The following C12orf42 variants were observed in gnomAD, a reference collection of about 807,000 sequenced individuals.
The protein encoded by C12orf42 is uncharacterized protein C12orf42.
Under a neutral mutation model 21.6 loss-of-function variants are expected in C12orf42, and 25 were observed. The ratio of observed to expected loss-of-function variants is 1.16; its 90% confidence interval spans 0.84 to 1.62. The LOEUF is 1.62. C12orf42 is among the 40% of genes most tolerant of loss of function. The probability of loss-of-function intolerance (pLI) is 0.00; values close to 1 mark genes in which losing one functional copy is unlikely to be tolerated. For missense variants in C12orf42, 483 were observed against 459.3 expected (o/e 1.05, Z -0.47); for synonymous variants, 174 against 175.0 (o/e 0.99, Z 0.05).
intron 2 of C12orf42, among the ~76,000 whole-genome samples, chr12:103,415,004 T>C (rs1228826110): frequency 1.3e-5 from 2 of 152,118 alleles, no homozygotes; most frequent in East Asian, 3.9e-4. Context: ...CTCAACCATC[T>C]GTTGTCTTCA....
the C12orf42 span, among the ~76,000 whole-genome samples, chr12:103,533,860 G>A: frequency 6.6e-6 from 1 of 152,164 alleles, no homozygotes; most frequent in Admixed American, 6.5e-5. Flanking sequence ...TGCTTTGTGT[G>A]GAGTCACTGC....
the C12orf42 span, among the ~76,000 whole-genome samples, chr12:103,537,003 AT>A: frequency 3.3e-5 from 5 of 151,268 alleles, no homozygotes; most frequent in African/African-American, 9.7e-5. Flanking sequence ...GAGCAGAGGG[AT>A]TTTTTTTTAA....
At chr12:103,412,625 T>C (rs920998313) in intron 2 of C12orf42, among the ~76,000 whole-genome samples, 1 of 152,236 alleles carries the variant, frequency 6.6e-6, no homozygotes, top group African/African-American at 2.4e-5. Flanking sequence ...TACAACTTAC[T>C]GCAAACCTAA....
At chr12:103,415,451 C>T (rs955575937) in intron 2 of C12orf42, among the ~76,000 whole-genome samples, 8 of 152,138 alleles carry the variant, frequency 5.3e-5, no homozygotes, top group Admixed American at 5.2e-4. Context: ...TTAGAGAACA[C>T]TCCACTCAAC....
the C12orf42 span, among the ~76,000 whole-genome samples, chr12:103,157,652 G>T: frequency 2.6e-4 from 39 of 152,134 alleles, no homozygotes; most frequent in African/African-American, 9.2e-4. Context: ...TGTATAACGT[G>T]TAAGGAACAG....
chr12:103,502,381 A>G, the C12orf42 span, among the ~76,000 whole-genome samples: 1 of 152,314 alleles, frequency 6.6e-6, no homozygotes, highest in East Asian at 1.9e-4. Context: ...GGCACAGCAT[A>G]ATTGTAATGA....
At chr12:103,050,959 C>T in the C12orf42 span, among the ~76,000 whole-genome samples, 1 of 152,112 alleles carries the variant, frequency 6.6e-6, no homozygotes, top group Non-Finnish European at 1.5e-5. Context: ...TCCTATACGA[C>T]AATCAACAAT....
upstream of C12orf42, among the ~76,000 whole-genome samples, chr12:103,498,184 A>T (rs1340166725): frequency 3.3e-5 from 5 of 152,282 alleles, no homozygotes; most frequent in Admixed American, 2.6e-4. Context: ...AATGCAATCA[A>T]CTAGAAAATA....
At chr12:103,258,174 T>C (rs565180800) in intron 10 of C12orf42, among the ~76,000 whole-genome samples, 2 of 152,070 alleles carry the variant, frequency 1.3e-5, no homozygotes, top group East Asian at 3.9e-4. Context: ...TGGAATATTA[T>C]CCCAGTGAGC....
intron 2 of C12orf42, among the ~76,000 whole-genome samples, chr12:103,459,289 G>C (rs1952527487): frequency 6.6e-6 from 1 of 152,156 alleles, no homozygotes; most frequent in African/African-American, 2.4e-5. Context: ...GATAGGGTTT[G>C]GATATTTGTC....
intron 4 of C12orf42, among the ~76,000 whole-genome samples, chr12:103,288,947 C>G (rs2036633203): frequency 6.6e-6 from 1 of 152,066 alleles, no homozygotes; most frequent in African/African-American, 2.4e-5. Context: ...TTTTTAATTT[C>G]TCTTATAAAC....
At chr12:103,349,343 G>A (rs1384186643) in intron 4 of C12orf42, 1 of 151,572 alleles carries the variant, frequency 6.6e-6, no homozygotes, top group African/African-American at 2.4e-5. Flanking sequence ...ACAAAGAAAT[G>A]AAAGTTGTGA....
At chr12:103,551,051 A>C in the C12orf42 span, among the ~76,000 whole-genome samples, 1 of 152,100 alleles carries the variant, frequency 6.6e-6, no homozygotes, top group Admixed American at 6.5e-5. Context: ...TTTAAAATAG[A>C]ATACCTAAGA....
the C12orf42 span, among the ~76,000 whole-genome samples, chr12:103,562,336 G>A: frequency 9.5e-4 from 145 of 152,260 alleles, no homozygotes; most frequent in Non-Finnish European, 8.5e-4. Context: ...TGGAATCTGG[G>A]AATAACTCTG....
intron 3 of C12orf42, among the ~76,000 whole-genome samples, chr12:103,370,695 T>C (rs2045128830): frequency 6.6e-6 from 1 of 151,742 alleles, no homozygotes; most frequent in African/African-American, 2.4e-5. Context: ...ACATGGATAC[T>C]AGAAGGGAAA....
intron 4 of C12orf42, among the ~76,000 whole-genome samples, chr12:103,294,389 A>AAGAAGAAAAAGAAAG (rs369596997): frequency 1.7e-5 from 2 of 118,776 alleles, no homozygotes; most frequent in Non-Finnish European, 3.3e-5. Context: ...AGAAAGAAGA[A>AAGAAGAAAAAGAAAG]AAAGAAAGAA....
At chr12:103,351,947 T>C (rs896675196) in intron 4 of C12orf42, among the ~76,000 whole-genome samples, 3 of 151,372 alleles carry the variant, frequency 2.0e-5, no homozygotes, top group African/African-American at 4.8e-5. Flanking sequence ...CTCCACCCTC[T>C]TCCTCTCTTT....
intron 2 of C12orf42, among the ~76,000 whole-genome samples, chr12:103,420,321 T>C (rs145933734): frequency 4.9e-4 from 75 of 152,350 alleles, no homozygotes; most frequent in African/African-American, 1.5e-3. Context: ...CATTGGGGAC[T>C]TCTTTCCTTT....
intron 3 of C12orf42, among the ~76,000 whole-genome samples, chr12:103,386,235 A>C (rs1361585520): frequency 6.6e-6 from 1 of 152,122 alleles, no homozygotes; most frequent in African/African-American, 2.4e-5. Context: ...ACTATCCTTA[A>C]CCAATTATTC....
Sources: allele counts gnomAD v4.1 joint callset (sites outside exome capture counted in the v4.1 genomes callset), GRCh38; gene constraint gnomAD v4.1.1; transcripts MANE v1.5; gene names NCBI Gene and HGNC (gene_info 2026-07-23, HGNC 2026-07-21).